Variants in DLG2 observed in about 807,000 individuals in gnomAD.
DLG2 encodes the protein disks large homolog 2.
Under a neutral mutation model 132.5 loss-of-function variants are expected in DLG2, and 45 were observed. The ratio of observed to expected loss-of-function variants is 0.34; its 90% CI spans 0.27 to 0.44. The LOEUF (loss-of-function observed/expected upper bound fraction) is 0.44, where lower values mean the gene tolerates loss of function less well. Among genes scored for constraint, DLG2 ranks in the 20% least tolerant of loss-of-function variants. The pLI, the probability that DLG2 is intolerant of heterozygous loss-of-function variation, is 1.00. For missense variants in DLG2, 1,045 were observed against 1,196.9 expected (o/e 0.87, Z 1.87); for synonymous variants, 424 against 419.6 (o/e 1.01, Z -0.13).
chr11:85,021,731 G>A, intron 6 of DLG2: 1 of 712,402 alleles, frequency 1.4e-6, no homozygotes, highest in Non-Finnish European at 2.4e-6. Flanking sequence ...AGTGAGGAGG[G>A]AGAAGAGATT....
intron 7 of DLG2, among the ~76,000 whole-genome samples, chr11:84,362,624 G>C (rs1320755822): frequency 1.3e-5 from 2 of 151,716 alleles, no homozygotes; most frequent in Admixed American, 6.6e-5. Context: ...TCGTCATCTA[G>C]CATTAGGTAT....
intron 3 of DLG2, among the ~76,000 whole-genome samples, chr11:85,352,079 A>G (rs2083334453): frequency 6.6e-6 from 1 of 152,172 alleles, no homozygotes; most frequent in African/African-American, 2.4e-5. Context: ...TATTGCCTCA[A>G]TTTCAGAGCC....
chr11:83,516,158 G>A (rs939784018), intron 21 of DLG2, among the ~76,000 whole-genome samples: 2 of 152,060 alleles, frequency 1.3e-5, no homozygotes, highest in African/African-American at 4.8e-5. Context: ...CTGTGGGAGT[G>A]TAAGTCTCTT....
intron 7 of DLG2, among the ~76,000 whole-genome samples, chr11:84,297,904 C>A (rs2098112126): frequency 6.6e-6 from 1 of 152,006 alleles, no homozygotes; most frequent in Non-Finnish European, 1.5e-5. Flanking sequence ...TGTAACACCA[C>A]CCAAGAATTG....
chr11:84,991,083 C>A (rs1260631847), intron 6 of DLG2, among the ~76,000 whole-genome samples: 3 of 152,072 alleles, frequency 2.0e-5, no homozygotes, highest in Non-Finnish European at 4.4e-5. Flanking sequence ...CAGATAAATA[C>A]ACAGAATGAA....
At chr11:85,555,597 G>A (rs1188320358) in intron 3 of DLG2, among the ~76,000 whole-genome samples, 2 of 151,758 alleles carry the variant, frequency 1.3e-5, no homozygotes, top group African/African-American at 4.8e-5. Context: ...TTATGACTAA[G>A]GAAACTTCTT....
At chr11:85,549,306 G>A (rs1220162227) in intron 3 of DLG2, among the ~76,000 whole-genome samples, 24 of 152,076 alleles carry the variant, frequency 1.6e-4, no homozygotes, top group Admixed American at 1.6e-3. Context: ...TCCTTGGGCT[G>A]CAACCACTGT....
chr11:83,839,253 T>G (rs1194676446), intron 16 of DLG2, among the ~76,000 whole-genome samples: 1 of 152,200 alleles, frequency 6.6e-6, no homozygotes, highest in East Asian at 1.9e-4. Flanking sequence ...AATGCCTTTT[T>G]TAAAAACAGA....
At chr11:84,136,768 A>G (rs2094617201) in intron 9 of DLG2, among the ~76,000 whole-genome samples, 1 of 152,228 alleles carries the variant, frequency 6.6e-6, no homozygotes, top group Non-Finnish European at 1.5e-5. Context: ...GGAAGTAGAT[A>G]ATAGTACTTT....
At chr11:85,038,512 A>G (rs2061594397) in intron 6 of DLG2, among the ~76,000 whole-genome samples, 1 of 152,070 alleles carries the variant, frequency 6.6e-6, no homozygotes, top group African/African-American at 2.4e-5. Flanking sequence ...CACAGAAGTG[A>G]CAATTAGGAT....
chr11:84,107,013 T>TGTGTGTGTGTGTGA (rs1555348732), intron 9 of DLG2, among the ~76,000 whole-genome samples: 1 of 126,106 alleles, frequency 7.9e-6, no homozygotes, highest in African/African-American at 3.1e-5. Flanking sequence ...TGTGTGTGTG[T>TGTGTGTGTGTGTGA]GAGAGAGTTT....
chr11:84,892,418 G>A (rs966842312), intron 6 of DLG2, among the ~76,000 whole-genome samples: 4 of 151,952 alleles, frequency 2.6e-5, no homozygotes, highest in African/African-American at 9.7e-5. Flanking sequence ...CAAAAAAAAG[G>A]CTTTATCTGT....
intron 6 of DLG2, among the ~76,000 whole-genome samples, chr11:84,764,275 C>T (rs375888452): frequency 2.6e-5 from 4 of 152,222 alleles, no homozygotes; most frequent in African/African-American, 9.6e-5. Flanking sequence ...TAATTTTCCC[C>T]TATAGTTACT....
chr11:84,780,538 T>C (rs891716818), intron 6 of DLG2, among the ~76,000 whole-genome samples: 2 of 152,138 alleles, frequency 1.3e-5, no homozygotes, highest in Non-Finnish European at 2.9e-5. Flanking sequence ...ACTGCCAAAC[T>C]GTTTTCCTGA....
chr11:85,085,338 A>G (rs1358463137), intron 6 of DLG2, among the ~76,000 whole-genome samples: 1 of 152,122 alleles, frequency 6.6e-6, no homozygotes, highest in Non-Finnish European at 1.5e-5. Flanking sequence ...CCTAGATACT[A>G]TCTCAAGGAC....
chr11:84,429,237 G>T (rs1330684925), intron 7 of DLG2, among the ~76,000 whole-genome samples: 1 of 152,154 alleles, frequency 6.6e-6, no homozygotes, highest in Non-Finnish European at 1.5e-5. Flanking sequence ...TAGGTGCTGA[G>T]AATACAAAGA....
chr11:84,532,653 G>A (rs1307571146), intron 7 of DLG2, among the ~76,000 whole-genome samples: 4 of 151,976 alleles, frequency 2.6e-5, no homozygotes, highest in South Asian at 2.1e-4. Flanking sequence ...ATGCCACCTC[G>A]CTTGGCTAAT....
At chr11:83,889,572 A>G (rs1238675063) in intron 15 of DLG2, among the ~76,000 whole-genome samples, 5 of 152,192 alleles carry the variant, frequency 3.3e-5, no homozygotes, top group Non-Finnish European at 5.9e-5. Flanking sequence ...ATCTAGAACT[A>G]GAAGCATGCC....
intron 9 of DLG2, among the ~76,000 whole-genome samples, chr11:84,149,138 G>C (rs1465525088): frequency 6.6e-6 from 1 of 152,082 alleles, no homozygotes; most frequent in African/African-American, 2.4e-5. Context: ...TAGATGTATA[G>C]TTTGCAGATT....
Sources: gnomAD v4.1 joint callset for allele counts (sites outside exome capture counted in the v4.1 genomes callset) on GRCh38, gnomAD v4.1.1 for gene constraint, MANE v1.5 for transcripts, NCBI Gene and HGNC (gene_info 2026-07-23, HGNC 2026-07-21) for gene names.